The following KCMF1 variants were observed in gnomAD, a reference collection of about 807,000 sequenced individuals.
KCMF1 encodes the protein E3 ubiquitin-protein ligase KCMF1.
KCMF1 carries 3 observed loss-of-function variants against 41.1 expected under a neutral mutation model. That is an observed-to-expected ratio of 0.07 (90% CI 0.03 to 0.19). The LOEUF is 0.19. KCMF1 is among the 10% of genes least tolerant of loss of function. KCMF1 has a pLI of 1.00. For synonymous variants in KCMF1, 142 were observed against 164.5 expected, an observed-to-expected ratio of 0.86 and a Z score of 1.04; for missense variants, 286 against 488.9, an observed-to-expected ratio of 0.58 and a Z score of 3.91.
intron 1 of KCMF1, among the ~76,000 whole-genome samples, chr2:84,989,135 G>T (rs775450761): frequency 6.6e-6 from 1 of 152,136 alleles, no homozygotes; most frequent in South Asian, 2.1e-4. Context: ...TAATAAATAT[G>T]TATTGAAAAC....
chr2:84,975,016 A>G (rs1401740764), intron 1 of KCMF1, among the ~76,000 whole-genome samples: 1 of 152,130 alleles, frequency 6.6e-6, no homozygotes, highest in African/African-American at 2.4e-5. Flanking sequence ...CGAATTTCAT[A>G]TAATTTTCAT....
intron 2 of KCMF1, among the ~76,000 whole-genome samples, chr2:85,028,269 A>C (rs770759739): frequency 2.0e-5 from 3 of 151,660 alleles, no homozygotes; most frequent in Admixed American, 1.3e-4. Flanking sequence ...TGCAACCTCC[A>C]CCTCCCTGGT....
intron 1 of KCMF1, among the ~76,000 whole-genome samples, chr2:85,008,314 T>TAATG (rs1674539270): frequency 9.9e-6 from 1 of 101,044 alleles, no homozygotes; most frequent in African/African-American, 4.5e-5. Flanking sequence ...TAATATGATA[T>TAATG]ATATATCATA....
chr2:84,974,682 TATATA>T (rs1358597829), intron 1 of KCMF1, among the ~76,000 whole-genome samples: 15 of 46,106 alleles, frequency 3.3e-4, no homozygotes, highest in Non-Finnish European at 5.3e-4. Context: ...TATATATATA[TATATA>T]TATATTTTTT....
At chr2:84,999,541 C>T (rs778392534) in intron 1 of KCMF1, among the ~76,000 whole-genome samples, 1 of 152,092 alleles carries the variant, frequency 6.6e-6, no homozygotes, top group Non-Finnish European at 1.5e-5. Flanking sequence ...TAGAATCTGA[C>T]GTTACAGTGA....
In KCMF1 at chr2:84,971,334, C is replaced by T. The variant is rs1231090523; in HGVS notation, c.-118C>T. ...CGCTCCCCTGCCCACCCCGCCCCCG[C>T]GGCCGAGCCCGGGAGTCGAGTGGGA... is the stretch of plus-strand genomic sequence containing the variant. On this transcript the variant is annotated 5_prime_UTR_variant, in exon 1 of 7. Coordinates refer to ENST00000409785, the MANE Select transcript of KCMF1 (RefSeq NM_020122.5). 4 of 466,808 alleles carry T rather than the reference C, an allele frequency of 8.6e-6. No homozygotes were observed. In the Admixed American group the frequency reaches 2.5e-4, roughly 29 times the overall value. 28.9% of individuals were successfully genotyped at this position (466,808 alleles called of 1,614,324 possible).
At chr2:84,974,273 G>GTACTTGCT in intron 1 of KCMF1, among the ~76,000 whole-genome samples, 1 of 152,266 alleles carries the variant, frequency 6.6e-6, no homozygotes, top group South Asian at 2.1e-4. Context: ...CTATCATGTT[G>GTACTTGCT]TACTTGCTTG....
At chr2:84,992,062 TTGGAG>T (rs1674052383) in intron 1 of KCMF1, among the ~76,000 whole-genome samples, 1 of 152,150 alleles carries the variant, frequency 6.6e-6, no homozygotes, top group Admixed American at 6.5e-5. Flanking sequence ...GAATGGAACT[TTGGAG>T]CCAGACTGTC....
intron 1 of KCMF1, among the ~76,000 whole-genome samples, chr2:84,980,870 G>A (rs1216398856): frequency 6.6e-6 from 1 of 151,932 alleles, no homozygotes; most frequent in Admixed American, 6.6e-5. Context: ...TGAACTCTTG[G>A]GCTCAAGCAA....
At chr2:84,998,964 ATCTGTCTGTCTG>A (rs747182548) in intron 1 of KCMF1, among the ~76,000 whole-genome samples, 2 of 77,572 alleles carry the variant, frequency 2.6e-5, no homozygotes, top group Non-Finnish European at 4.6e-5. Flanking sequence ...CTATCTATCT[ATCTGTCTGTCTG>A]TCTATCTACC....
At chr2:85,010,850 T>A (rs1011097613) in intron 1 of KCMF1, among the ~76,000 whole-genome samples, 1 of 151,552 alleles carries the variant, frequency 6.6e-6, no homozygotes, top group Non-Finnish European at 1.5e-5. Flanking sequence ...CTATTACTTT[T>A]TTTTTTTTTT....
intron 1 of KCMF1, among the ~76,000 whole-genome samples, chr2:84,991,209 G>A (rs72928878): frequency 2.0e-5 from 3 of 152,058 alleles, no homozygotes; most frequent in Admixed American, 2.0e-4. Context: ...AGTCATCTCT[G>A]TGAAAGCAAG....
intron 3 of KCMF1, among the ~76,000 whole-genome samples, chr2:85,035,555 A>G (rs965013620): frequency 6.6e-6 from 1 of 152,230 alleles, no homozygotes; most frequent in Admixed American, 6.5e-5. Flanking sequence ...TGGTAGTATC[A>G]TAATAATCCA....
At chr2:85,044,781 A>C (rs1675623449) in intron 4 of KCMF1, among the ~76,000 whole-genome samples, 2 of 152,170 alleles carry the variant, frequency 1.3e-5, no homozygotes, top group Admixed American at 1.3e-4. Context: ...AGCTTCCCAA[A>C]GTGCTGGGAT....
intron 1 of KCMF1, among the ~76,000 whole-genome samples, chr2:85,016,289 G>A (rs1012844816): frequency 3.9e-5 from 6 of 151,998 alleles, no homozygotes; most frequent in African/African-American, 1.2e-4. Flanking sequence ...TACGGGTCTC[G>A]ATACCCCATT....
intron 6 of KCMF1, 29 bp downstream of exon 6, chr2:85,049,677 T>C (rs1370405600): frequency 6.4e-7 from 1 of 1,565,408 alleles, no homozygotes; most frequent in East Asian, 2.3e-5. Context: ...GAATTTTGTT[T>C]GGGAAGTAAT....
At chr2:84,995,623 T>C (rs1033483526) in intron 1 of KCMF1, among the ~76,000 whole-genome samples, 1 of 152,162 alleles carries the variant, frequency 6.6e-6, no homozygotes, top group Non-Finnish European at 1.5e-5. Context: ...AACTTTATCA[T>C]TTTTATTTCT....
chr2:85,049,704 A>C (rs1331738093), intron 6 of KCMF1, 56 bp downstream of exon 6: 3 of 1,360,170 alleles, frequency 2.2e-6, no homozygotes, highest in Non-Finnish European at 3.1e-6. Context: ...TTGCCACTAC[A>C]GTCTGGAATT....
At chr2:84,993,950 T>C (rs1347868703) in intron 1 of KCMF1, among the ~76,000 whole-genome samples, 1 of 142,904 alleles carries the variant, frequency 7.0e-6, no homozygotes, top group Non-Finnish European at 1.5e-5. Flanking sequence ...TTGTTTTGTT[T>C]TGTTTTGTTT....
Sources: allele counts gnomAD v4.1 joint callset (sites outside exome capture counted in the v4.1 genomes callset), GRCh38; gene constraint gnomAD v4.1.1; transcripts MANE v1.5; gene names NCBI Gene and HGNC (gene_info 2026-07-23, HGNC 2026-07-21).